Variants in TTC7B observed in about 807,000 individuals in gnomAD.
TTC7B encodes the protein tetratricopeptide repeat protein 7B.
TTC7B carries 28 observed loss-of-function variants against 106.8 expected under a neutral mutation model. The ratio of observed to expected loss-of-function variants is 0.26; its 90% confidence interval spans 0.19 to 0.36. TTC7B has a LOEUF of 0.36. Among genes scored for constraint, TTC7B ranks in the 10% least tolerant of loss-of-function variants. The probability of loss-of-function intolerance (pLI) is 1.00; values close to 1 mark genes in which losing one functional copy is unlikely to be tolerated. For missense variants in TTC7B, 862 were observed against 1,076.4 expected (o/e 0.80, Z 2.79); for synonymous variants, 405 against 430.6 (o/e 0.94, Z 0.74).
chr14:90,562,063 G>T (rs1028935828), intron 19 of TTC7B, among the ~76,000 whole-genome samples: 2 of 151,890 alleles, frequency 1.3e-5, no homozygotes, highest in Non-Finnish European at 2.9e-5. Context: ...CCATAGCTTC[G>T]GGTACCATGT....
At chr14:90,751,847 G>A (rs1595348282) in intron 3 of TTC7B, among the ~76,000 whole-genome samples, 2 of 152,092 alleles carry the variant, frequency 1.3e-5, no homozygotes, top group Admixed American at 1.3e-4. Context: ...TCTCTATCTC[G>A]TGGGAAAAGA....
At chr14:90,804,118 G>A (rs7150197) in intron 1 of TTC7B, among the ~76,000 whole-genome samples, 2,424 of 152,206 alleles carry the variant, frequency 0.016, 56 homozygotes, top group African/African-American at 0.055. Flanking sequence ...GGCAGATCAC[G>A]AGGTCAGGAG....
chr14:90,644,561 G>T (rs1227993685), intron 14 of TTC7B, among the ~76,000 whole-genome samples: 1 of 152,156 alleles, frequency 6.6e-6, no homozygotes, highest in Non-Finnish European at 1.5e-5. Flanking sequence ...TTTTGATTAT[G>T]CCCAAGATGA....
intron 13 of TTC7B, 109 bp downstream of exon 13, chr14:90,652,731 CA>C (rs1404144170): frequency 1.6e-6 from 2 of 1,273,734 alleles, no homozygotes; most frequent in East Asian, 2.3e-5. Flanking sequence ...GAAAGACTCT[CA>C]GGGGTAAAAC....
intron 9 of TTC7B, among the ~76,000 whole-genome samples, chr14:90,673,027 T>C (rs754102523): frequency 6.6e-5 from 10 of 152,274 alleles, no homozygotes; most frequent in East Asian, 1.9e-4. Flanking sequence ...GACTGGTACA[T>C]AGCAGACCCA....
chr14:90,714,225 T>C (rs1466352712), intron 5 of TTC7B, among the ~76,000 whole-genome samples: 2 of 150,358 alleles, frequency 1.3e-5, no homozygotes, highest in African/African-American at 2.4e-5. Flanking sequence ...AGCGAAACTC[T>C]GTCTCAAAAA....
At chr14:90,709,395 A>G (rs974562105) in intron 5 of TTC7B, among the ~76,000 whole-genome samples, 19 of 151,484 alleles carry the variant, frequency 1.3e-4, no homozygotes, top group South Asian at 1.1e-3. Context: ...AGGGACATGG[A>G]TGAAGCTGGA....
At chr14:90,560,921 A>C in intron 19 of TTC7B, among the ~76,000 whole-genome samples, 1 of 152,262 alleles carries the variant, frequency 6.6e-6, no homozygotes, top group Non-Finnish European at 1.5e-5. Context: ...AGAATTTAAC[A>C]GCTTGTGGCA....
intron 9 of TTC7B, among the ~76,000 whole-genome samples, chr14:90,670,283 T>C (rs545954382): frequency 6.6e-6 from 1 of 152,322 alleles, no homozygotes; most frequent in South Asian, 2.1e-4. Flanking sequence ...TCCTTTTATA[T>C]GAGGTACCCA....
intron 4 of TTC7B, among the ~76,000 whole-genome samples, chr14:90,734,506 T>A (rs1302200432): frequency 6.6e-6 from 1 of 151,892 alleles, no homozygotes; most frequent in Non-Finnish European, 1.5e-5. Context: ...CTATGATCAC[T>A]ATCATGCTTT....
At chr14:90,589,964 T>C (rs980950444) in intron 18 of TTC7B, among the ~76,000 whole-genome samples, 1 of 152,154 alleles carries the variant, frequency 6.6e-6, no homozygotes, top group African/African-American at 2.4e-5. Flanking sequence ...TAAGTCACCT[T>C]ACAGGTGCTG....
At chr14:90,626,046 G>A (rs1884423657) in intron 15 of TTC7B, among the ~76,000 whole-genome samples, 1 of 152,180 alleles carries the variant, frequency 6.6e-6, no homozygotes, top group Non-Finnish European at 1.5e-5. Context: ...TAGACTTACT[G>A]AGTCAGAATC....
chr14:90,593,523 G>T lies in TTC7B; in HGVS notation c.2070C>A (p.His690Gln), dbSNP rs201426737. The T allele has an allele frequency of 6.2e-7, 1 of 1,610,170 alleles. No individual in the cohort carries two copies. Among genetic ancestry groups the T allele is most frequent in the South Asian group, 1.1e-5 (1 of 90,558 alleles). ...QSSAPKQGPL[H>Q]PWMTLAQIWL... ...AGATCTGTGCCAGCGTCATCCAGGG[G>T]TGCAGCGGGCCCTGCTTAGGGGCAC... Residue 690 changes from histidine (H) to glutamine (Q), a missense_variant, in exon 18 of 20, where the codon CAC becomes CAA. Physicochemically the swap from His to Gln is conservative, Grantham distance 24. Coordinates refer to ENST00000328459, the MANE Select transcript of TTC7B (RefSeq NM_001010854.2).
chr14:90,789,430 A>C (rs1891503879), intron 1 of TTC7B, among the ~76,000 whole-genome samples: 2 of 152,196 alleles, frequency 1.3e-5, no homozygotes, highest in African/African-American at 4.8e-5. Flanking sequence ...CATGTTAAAA[A>C]AGGAAAAGAA....
chr14:90,544,062 G>A (rs536693461), intron 19 of TTC7B, among the ~76,000 whole-genome samples: 76 of 152,362 alleles, frequency 5.0e-4, no homozygotes, highest in Non-Finnish European at 9.1e-4. Context: ...GCCGAGGGCA[G>A]TGTGTGGCCC....
chr14:90,701,748 CTGTG>C (rs1257691038), intron 5 of TTC7B, among the ~76,000 whole-genome samples: 6 of 145,496 alleles, frequency 4.1e-5, no homozygotes, highest in Non-Finnish European at 9.0e-5. Flanking sequence ...CCATATATAT[CTGTG>C]TGTGTGTGTA....
At chr14:90,786,672 C>G (rs1418419040) in intron 1 of TTC7B, among the ~76,000 whole-genome samples, 1 of 152,098 alleles carries the variant, frequency 6.6e-6, no homozygotes, top group South Asian at 2.1e-4. Flanking sequence ...CTCCACCTCC[C>G]GGGTTCAAGC....
intron 13 of TTC7B, chr14:90,648,879 G>A (rs549941676): frequency 6.6e-6 from 1 of 152,232 alleles, no homozygotes; most frequent in African/African-American, 2.4e-5. Context: ...TAAATTTACA[G>A]AACCCTCAAA....
chr14:90,620,873 T>A (rs924445948), intron 15 of TTC7B, among the ~76,000 whole-genome samples: 2 of 152,182 alleles, frequency 1.3e-5, no homozygotes, highest in Admixed American at 1.3e-4. Flanking sequence ...TGACTCAGGA[T>A]ATGGAATTGA....
Sources: allele counts gnomAD v4.1 joint callset (sites outside exome capture counted in the v4.1 genomes callset), GRCh38; gene constraint gnomAD v4.1.1; transcripts MANE v1.5; gene names NCBI Gene and HGNC (gene_info 2026-07-23, HGNC 2026-07-21).